The following METTL15 variants were observed in gnomAD, a reference collection of about 807,000 sequenced individuals.
METTL15 encodes the protein methyltransferase 15, mitochondrial 12S rRNA N4-cytidine, also known as 12S rRNA N(4)-cytidine methyltransferase METTL15.
Under a neutral mutation model 38.3 loss-of-function variants are expected in METTL15, and 34 were observed. That is an observed-to-expected ratio of 0.89 (90% confidence interval 0.68 to 1.18). The LOEUF is 1.18. Ranked by LOEUF, METTL15 falls within the 50% of genes most tolerant of loss-of-function variation. METTL15 has a pLI of 0.00. For synonymous variants in METTL15, 162 were observed against 170.9 expected, an observed-to-expected ratio of 0.95 and a Z score of 0.41; for missense variants, 438 against 498.4, an observed-to-expected ratio of 0.88 and a Z score of 1.15.
chr11:28,228,589 T>TATATAC (rs975383199), intron 4 of METTL15, among the ~76,000 whole-genome samples: 4 of 151,854 alleles, frequency 2.6e-5, no homozygotes, highest in Non-Finnish European at 4.4e-5. Context: ...TATGTATACA[T>TATATAC]ATATACATAT....
intron 5 of METTL15, among the ~76,000 whole-genome samples, chr11:28,387,801 A>C (rs922921848): frequency 6.6e-6 from 1 of 152,098 alleles, no homozygotes; most frequent in Non-Finnish European, 1.5e-5. Flanking sequence ...CCTTAACAAA[A>C]TACTAGCAAA....
chr11:28,165,849 C>T (rs953659513), intron 3 of METTL15, among the ~76,000 whole-genome samples: 1 of 152,074 alleles, frequency 6.6e-6, no homozygotes, highest in Non-Finnish European at 1.5e-5. Context: ...AGATAAAGAT[C>T]CACTTTTATT....
At chr11:28,429,318 C>T (rs1248338284) in intron 6 of METTL15, among the ~76,000 whole-genome samples, 1 of 150,726 alleles carries the variant, frequency 6.6e-6, no homozygotes, top group Non-Finnish European at 1.5e-5. Context: ...GTAAAAAGTG[C>T]CTTCTTATAA....
chr11:28,123,773 GTGTCATC>G (rs1852351374), intron 3 of METTL15: 1 of 883,642 alleles, frequency 1.1e-6, no homozygotes, highest in African/African-American at 1.7e-5. Context: ...TATTTGGCCT[GTGTCATC>G]TGTAATAGGT....
At chr11:28,223,433 G>C (rs1283533703) in intron 4 of METTL15, among the ~76,000 whole-genome samples, 3 of 152,040 alleles carry the variant, frequency 2.0e-5, no homozygotes. Context: ...ATCGATCAAT[G>C]GATAGTTGGT....
At chr11:28,450,294 A>G (rs1590378938) in intron 6 of METTL15, among the ~76,000 whole-genome samples, 1 of 152,332 alleles carries the variant, frequency 6.6e-6, no homozygotes, top group Admixed American at 6.5e-5. Flanking sequence ...TTTATTTCAA[A>G]CACATTAAGG....
intron 3 of METTL15, among the ~76,000 whole-genome samples, chr11:28,341,087 A>T (rs939231929): frequency 2.6e-5 from 4 of 152,050 alleles, no homozygotes; most frequent in African/African-American, 9.7e-5. Flanking sequence ...ACCAAACACC[A>T]CATGTTCTCA....
chr11:28,314,980 A>G (rs189330196), intron 6 of METTL15, among the ~76,000 whole-genome samples: 81 of 152,328 alleles, frequency 5.3e-4, no homozygotes, highest in African/African-American at 1.6e-3. Flanking sequence ...TGTAAGTCCA[A>G]TTAAACCTCT....
intron 5 of METTL15, among the ~76,000 whole-genome samples, chr11:28,376,333 A>G (rs1850311414): frequency 6.6e-6 from 1 of 152,054 alleles, no homozygotes; most frequent in African/African-American, 2.4e-5. Flanking sequence ...GACTTGCTTT[A>G]TGAATCTGGG....
Position 28,130,109 on chromosome 11 carries a change from C to T in METTL15, c.270+16505C>T, listed in dbSNP as rs929888477. ...AGGATCGCTTGAGCTCAGGAGTTCG[C>T]GATTAGCCTGGGCAAGGTGGTGAGA... is the stretch of plus-strand genomic sequence containing the variant. On this transcript the variant is annotated intron_variant, in intron 3 of 6. Transcript: ENST00000407364. Among the ~76,000 whole-genome samples, 15 of 152,028 alleles carry T rather than the reference C, an allele frequency of 9.9e-5. No individual in the cohort carries two copies. The Middle Eastern group carries it at 0.01, about 103-fold the overall frequency.
chr11:28,264,453 A>T (rs902791056), intron 4 of METTL15, among the ~76,000 whole-genome samples: 2 of 151,900 alleles, frequency 1.3e-5, no homozygotes, highest in African/African-American at 2.4e-5. Context: ...CTACCTTAAA[A>T]TATGTTTGTT....
intron 3 of METTL15, among the ~76,000 whole-genome samples, chr11:28,175,450 A>G (rs960601079): frequency 6.6e-6 from 1 of 151,710 alleles, no homozygotes; most frequent in African/African-American, 2.4e-5. Context: ...TATAATCCTT[A>G]GGGTATATAC....
chr11:28,336,570 C>T (rs1009377670), downstream of METTL15, among the ~76,000 whole-genome samples: 1 of 152,152 alleles, frequency 6.6e-6, no homozygotes, highest in Non-Finnish European at 1.5e-5. Flanking sequence ...AGGTGGACTA[C>T]ACTCATGCAC....
At chr11:28,337,372 A>C (rs1309939436), downstream of METTL15, among the ~76,000 whole-genome samples, 3 of 152,106 alleles carry the variant, frequency 2.0e-5, no homozygotes, top group African/African-American at 7.2e-5. Flanking sequence ...TTATAGAAAT[A>C]AAATTTTTGT....
At chr11:28,310,735 G>A (rs1857246330) in intron 6 of METTL15, among the ~76,000 whole-genome samples, 3 of 151,930 alleles carry the variant, frequency 2.0e-5, no homozygotes, top group Non-Finnish European at 2.9e-5. Flanking sequence ...CTACATTCTG[G>A]CTTAACTGTT....
chr11:28,445,546 G>T (rs1437296441), intron 6 of METTL15, among the ~76,000 whole-genome samples: 2 of 152,100 alleles, frequency 1.3e-5, no homozygotes, highest in Non-Finnish European at 2.9e-5. Context: ...ATTGTGCAGG[G>T]TATTTAGTGT....
chr11:28,169,907 C>A (rs370887354), intron 3 of METTL15, among the ~76,000 whole-genome samples: 9 of 152,166 alleles, frequency 5.9e-5, no homozygotes, highest in African/African-American at 1.9e-4. Context: ...AGCCTGAACA[C>A]AAGCAAAATT....
intron 6 of METTL15, among the ~76,000 whole-genome samples, chr11:28,458,205 C>T (rs1186014645): frequency 3.3e-5 from 5 of 152,156 alleles, no homozygotes; most frequent in Non-Finnish European, 5.9e-5. Context: ...TATGGAGCCT[C>T]ATCTTCAGTT....
At chr11:28,121,971 T>G (rs1381787253) in intron 3 of METTL15, among the ~76,000 whole-genome samples, 7 of 152,032 alleles carry the variant, frequency 4.6e-5, no homozygotes, top group African/African-American at 1.7e-4. Flanking sequence ...GGAGTCAAAG[T>G]AAATGCAGAA....
Sources: gnomAD v4.1 joint callset for allele counts (sites outside exome capture counted in the v4.1 genomes callset) on GRCh38, gnomAD v4.1.1 for gene constraint, MANE v1.5 for transcripts, NCBI Gene and HGNC (gene_info 2026-07-23, HGNC 2026-07-21) for gene names.